Variants in RGS7 observed in about 807,000 individuals in gnomAD.
RGS7 encodes the protein regulator of G-protein signaling 7.
RGS7 carries 27 observed loss-of-function variants against 81.1 expected under a neutral mutation model. The observed-to-expected ratio is 0.33, with a 90% CI of 0.25 to 0.46. RGS7 has a LOEUF of 0.46. Ranked by LOEUF, RGS7 falls within the 20% of genes least tolerant of loss-of-function variation. The pLI, the probability that RGS7 is intolerant of heterozygous loss-of-function variation, is 1.00. For missense variants in RGS7, 396 were observed against 607.4 expected (o/e 0.65, Z 3.66); for synonymous variants, 208 against 207.7 (o/e 1.00, Z -0.01).
intron 4 of RGS7, among the ~76,000 whole-genome samples, chr1:240,973,839 C>G (rs893608486): frequency 6.6e-6 from 1 of 152,058 alleles, no homozygotes; most frequent in African/African-American, 2.4e-5. Context: ...CTCGGCCTCC[C>G]AAAGTGCTGG....
chr1:240,990,132 T>A (rs918794117), intron 3 of RGS7, among the ~76,000 whole-genome samples: 4 of 152,178 alleles, frequency 2.6e-5, no homozygotes, highest in African/African-American at 9.7e-5. Flanking sequence ...ATCAGCCAAC[T>A]GTGGCAAGAA....
chr1:240,803,603 T>C (rs141186502), intron 15 of RGS7, among the ~76,000 whole-genome samples: 26 of 152,260 alleles, frequency 1.7e-4, no homozygotes, highest in African/African-American at 5.3e-4. Context: ...AGGTAAATAG[T>C]TGATCATTTG....
intron 10 of RGS7, among the ~76,000 whole-genome samples, chr1:240,818,642 A>C (rs1373994701): frequency 6.6e-6 from 1 of 152,260 alleles, no homozygotes; most frequent in Non-Finnish European, 1.5e-5. Context: ...TGTCATTTGC[A>C]ATAACATGGA....
intron 2 of RGS7, among the ~76,000 whole-genome samples, chr1:241,289,264 T>C (rs2078974075): frequency 6.6e-6 from 1 of 152,178 alleles, no homozygotes; most frequent in African/African-American, 2.4e-5. Context: ...TCAAACTATT[T>C]GTAGGTCCCT....
At chr1:240,979,431 A>AAG (rs1684607259) in intron 4 of RGS7, among the ~76,000 whole-genome samples, 1 of 152,224 alleles carries the variant, frequency 6.6e-6, no homozygotes, top group Non-Finnish European at 1.5e-5. Context: ...CTCCTGAAAG[A>AAG]CCACATATCA....
intron 2 of RGS7, among the ~76,000 whole-genome samples, chr1:241,139,819 T>C (rs1483621801): frequency 6.6e-6 from 1 of 152,240 alleles, no homozygotes; most frequent in East Asian, 1.9e-4. Flanking sequence ...AATACATTCA[T>C]TTGACTATTC....
chr1:241,122,895 T>A (rs2066388524), intron 2 of RGS7, among the ~76,000 whole-genome samples: 1 of 152,186 alleles, frequency 6.6e-6, no homozygotes, highest in South Asian at 2.1e-4. Context: ...TTCTACTGAA[T>A]GTGTATCTCT....
At chr1:240,862,902 C>A (rs956614943) in intron 9 of RGS7, among the ~76,000 whole-genome samples, 2 of 149,232 alleles carry the variant, frequency 1.3e-5, no homozygotes, top group East Asian at 2.0e-4. Context: ...TTTTTTTTTA[C>A]GAATAATTTC....
At chr1:241,191,235 C>T in intron 2 of RGS7, among the ~76,000 whole-genome samples, 1 of 152,306 alleles carries the variant, frequency 6.6e-6, no homozygotes, top group East Asian at 1.9e-4. Flanking sequence ...CCTCCTTAGC[C>T]TCCCAAAGGG....
At chr1:241,079,071 G>A (rs1343657948) in intron 3 of RGS7, among the ~76,000 whole-genome samples, 1 of 152,160 alleles carries the variant, frequency 6.6e-6, no homozygotes, top group East Asian at 1.9e-4. Context: ...TAATTTCCTG[G>A]CTCTTCATCC....
At chr1:241,170,486 C>A (rs1199968304) in intron 2 of RGS7, among the ~76,000 whole-genome samples, 1 of 152,160 alleles carries the variant, frequency 6.6e-6, no homozygotes, top group African/African-American at 2.4e-5. Context: ...TATACGGAGA[C>A]AGAAACAGAG....
At chr1:241,000,624 T>G (rs624331) in intron 3 of RGS7, among the ~76,000 whole-genome samples, 3 of 151,722 alleles carry the variant, frequency 2.0e-5, no homozygotes, top group Non-Finnish European at 4.4e-5. Context: ...GCTAATTAAT[T>G]CCTCATTTAT....
In RGS7 at chr1:241,319,645, G is replaced by A. The variant is rs987277214; in HGVS notation, c.78+36054C>T. On this transcript the variant is annotated intron_variant, in intron 2 of 18. Coordinates refer to ENST00000440928, the MANE Select transcript of RGS7 (RefSeq NM_001364886.1). ...CCTTAAGTGATCCTCCTGCCTCAGC[G>A]TCCCAAAATGCTGGGATTACAGGCA... Among the ~76,000 whole-genome samples the A allele has an allele frequency of 5.3e-5, 8 of 151,902 alleles. No homozygotes were observed. The East Asian group carries it at 7.8e-4, about 15-fold the overall frequency.
chr1:241,088,067 C>T lies in RGS7; in HGVS notation c.175+10599G>A, dbSNP rs145321007. Among the ~76,000 whole-genome samples the T allele has an allele frequency of 5.7e-4, 82 of 144,846 alleles. 3 individuals are homozygous for T. The highest frequency in any genetic ancestry group is 1.9e-3 in the African/African-American group (73 of 37,868). ...ACATATATATATATACACACACACA[C>T]ATATATATATATACATATATATATA... On this transcript the variant is annotated intron_variant, in intron 3 of 18. Transcript: ENST00000440928.
chr1:240,790,610 T>A (rs1466313496), intron 18 of RGS7, among the ~76,000 whole-genome samples: 1 of 152,214 alleles, frequency 6.6e-6, no homozygotes, highest in Non-Finnish European at 1.5e-5. Context: ...GATTAATAGC[T>A]GGAAGTTACA....
chr1:241,065,819 C>T (rs1427847935), intron 3 of RGS7, among the ~76,000 whole-genome samples: 2 of 152,144 alleles, frequency 1.3e-5, no homozygotes, highest in Non-Finnish European at 2.9e-5. Context: ...TGATGATGGA[C>T]AAGCTATTTC....
At chr1:241,128,401 T>C (rs1356126653) in intron 2 of RGS7, among the ~76,000 whole-genome samples, 1 of 151,824 alleles carries the variant, frequency 6.6e-6, no homozygotes, top group Non-Finnish European at 1.5e-5. Context: ...CTGGCCAACA[T>C]GGTAAAACCC....
At chr1:241,207,342 A>C (rs2073977471) in intron 2 of RGS7, among the ~76,000 whole-genome samples, 1 of 98,654 alleles carries the variant, frequency 1.0e-5, no homozygotes. Context: ...TATGCACTTT[A>C]AAATGCATAT....
At chr1:241,089,630 T>A (rs2063740200) in intron 3 of RGS7, among the ~76,000 whole-genome samples, 1 of 152,124 alleles carries the variant, frequency 6.6e-6, no homozygotes, top group Admixed American at 6.5e-5. Context: ...ATATAATAAC[T>A]AAACTTCCAC....
Sources: gnomAD v4.1 joint callset for allele counts (sites outside exome capture counted in the v4.1 genomes callset) on GRCh38, gnomAD v4.1.1 for gene constraint, MANE v1.5 for transcripts, NCBI Gene and HGNC (gene_info 2026-07-23, HGNC 2026-07-21) for gene names.